The following PLCXD3 variants were observed in gnomAD, a reference collection of about 807,000 sequenced individuals.
PLCXD3 encodes the protein PI-PLC X domain-containing protein 3.
In PLCXD3, 19 loss-of-function variants were observed where a neutral mutation model predicts 25.5. The observed-to-expected ratio is 0.75, with a 90% CI of 0.52 to 1.09. The LOEUF (loss-of-function observed/expected upper bound fraction) is 1.09. Among genes scored for constraint, PLCXD3 ranks in the 50% least tolerant of loss-of-function variants. The pLI is 0.00. For missense variants in PLCXD3, 411 were observed against 388.1 expected (o/e 1.06, Z -0.50); for synonymous variants, 174 against 137.6 (o/e 1.26, Z -1.85).
chr5:41,477,435 T>G (rs1580392781), intron 1 of PLCXD3, among the ~76,000 whole-genome samples: 1 of 152,194 alleles, frequency 6.6e-6, no homozygotes, highest in African/African-American at 2.4e-5. Flanking sequence ...TCAAAAAATT[T>G]GGGCCAATTT....
intron 1 of PLCXD3, among the ~76,000 whole-genome samples, chr5:41,488,377 T>C (rs867300962): frequency 8.5e-5 from 11 of 130,164 alleles, no homozygotes; most frequent in Admixed American, 1.6e-4. Context: ...TGAATAGTGC[T>C]GCAATAAACA....
intron 2 of PLCXD3, among the ~76,000 whole-genome samples, chr5:41,351,280 C>A (rs548410997): frequency 6.6e-6 from 1 of 152,264 alleles, no homozygotes; most frequent in African/African-American, 2.4e-5. Context: ...CCATTCCCCA[C>A]CTCTTGACAT....
chr5:41,385,881 C>T (rs1371659979), intron 1 of PLCXD3, among the ~76,000 whole-genome samples: 1 of 152,048 alleles, frequency 6.6e-6, no homozygotes, highest in Admixed American at 6.6e-5. Context: ...GAACTGAATC[C>T]TGTTAACAGC....
At chr5:41,364,152 G>A (rs1221044778) in intron 2 of PLCXD3, among the ~76,000 whole-genome samples, 1 of 152,136 alleles carries the variant, frequency 6.6e-6, no homozygotes, top group Non-Finnish European at 1.5e-5. Flanking sequence ...AGGGGAAGGT[G>A]CTACTGGAAT....
chr5:41,502,227 G>A (rs1196659575), intron 1 of PLCXD3, among the ~76,000 whole-genome samples: 1 of 152,216 alleles, frequency 6.6e-6, no homozygotes, highest in South Asian at 2.1e-4. Context: ...GAAATCCAAA[G>A]TATAAGAAAT....
intron 2 of PLCXD3, among the ~76,000 whole-genome samples, chr5:41,353,462 T>C (rs1282090591): frequency 6.6e-6 from 1 of 152,136 alleles, no homozygotes; most frequent in Non-Finnish European, 1.5e-5. Context: ...ATCAGGAGTT[T>C]TATATAAGTA....
At chr5:41,389,235 C>T (rs1400861935) in intron 1 of PLCXD3, among the ~76,000 whole-genome samples, 4 of 152,030 alleles carry the variant, frequency 2.6e-5, no homozygotes, top group African/African-American at 9.7e-5. Flanking sequence ...TACTGAAAAA[C>T]TTCAGCCCTC....
At chr5:41,489,581 TTG>T (rs1345439654) in intron 1 of PLCXD3, among the ~76,000 whole-genome samples, 1 of 151,612 alleles carries the variant, frequency 6.6e-6, no homozygotes, top group Non-Finnish European at 1.5e-5. Context: ...GTTCTTCCAT[TTG>T]TTTGTATCCT....
In PLCXD3 at chr5:41,312,685, T is replaced by TTTCCTTTCCTTCC. The variant is rs1491284489; in HGVS notation, c.*931_*932insGGAAGGAAAGGAA. On this transcript the variant is annotated 3_prime_UTR_variant, in exon 3 of 3. Coordinates refer to ENST00000377801, the MANE Select transcript of PLCXD3 (RefSeq NM_001005473.3). The stretch of plus-strand genomic sequence containing the variant: ...CTTCCTCCCTCCCTTCCTTTCTTCC[T>TTTCCTTTCCTTCC]TTCCTTCCTTCCTTCCTTCCTTCCT... The TTTCCTTTCCTTCC allele has an allele frequency of 1.9e-5, 2 of 104,678 alleles. No individual in the cohort carries two copies. Among genetic ancestry groups the TTTCCTTTCCTTCC allele is most frequent in the South Asian group, 4.4e-4 (1 of 2,254 alleles). 6.5% of individuals were successfully genotyped at this position (104,678 alleles called of 1,614,324 possible).
rs551040723 is a variant in PLCXD3, at chr5:41,409,289, G to T, written c.104-26755C>A. On this transcript the variant is annotated intron_variant, in intron 1 of 2. Transcript: ENST00000377801. ...GCAGCCTTAAGCCCAGGGTGCTAAGGTCACAAAATGGATCACTCTCCCTTT... is the reference window on the plus strand; with the variant it reads ...GCAGCCTTAAGCCCAGGGTGCTAAGTTCACAAAATGGATCACTCTCCCTTT... Among the ~76,000 whole-genome samples the T allele has an allele frequency of 3.9e-5, 6 of 152,194 alleles. No individual in the cohort carries two copies. In the East Asian group the frequency reaches 9.7e-4, roughly 25 times the overall value.
At chr5:41,452,616 AG>A (rs1398115101) in intron 1 of PLCXD3, among the ~76,000 whole-genome samples, 1 of 152,096 alleles carries the variant, frequency 6.6e-6, no homozygotes, top group African/African-American at 2.4e-5. Context: ...ATGCAAAGGC[AG>A]GGCTACAATA....
chr5:41,447,554 T>C (rs759515617), intron 1 of PLCXD3, among the ~76,000 whole-genome samples: 6 of 152,174 alleles, frequency 3.9e-5, no homozygotes, highest in Non-Finnish European at 7.4e-5. Flanking sequence ...TAACAGCATA[T>C]TGGAATTCAG....
chr5:41,313,698 G>T lies in PLCXD3; in HGVS notation c.885C>A (p.Ala295=). Residue 295 remains alanine (A), a synonymous_variant, in exon 3 of 3, where the codon GCC becomes GCA. Coordinates refer to ENST00000377801, the MANE Select transcript of PLCXD3 (RefSeq NM_001005473.3). Reference sequence around the variant, plus strand: ...TAAAGTCACCAAGTTCTACAAAATCGGCAGTGACAATATTGATGCCACTCT... The same window carrying T: ...TAAAGTCACCAAGTTCTACAAAATCTGCAGTGACAATATTGATGCCACTCT... ...PGESGINIVT[A]DFVELGDFIS... The T allele has an allele frequency of 6.2e-7, 1 of 1,613,718 alleles. No homozygotes were observed. Among genetic ancestry groups the T allele is most frequent in the African/African-American group, 1.3e-5 (1 of 74,980 alleles).
chr5:41,378,467 G>T (rs547534602), intron 2 of PLCXD3, among the ~76,000 whole-genome samples: 1 of 152,144 alleles, frequency 6.6e-6, no homozygotes, highest in African/African-American at 2.4e-5. Context: ...TCTATATGGA[G>T]TCTTCATTCC....
At chr5:41,449,817 G>A (rs967389595) in intron 1 of PLCXD3, among the ~76,000 whole-genome samples, 4 of 152,018 alleles carry the variant, frequency 2.6e-5, no homozygotes, top group African/African-American at 7.2e-5. Context: ...GCATTAAAAA[G>A]CCATTGGTGG....
At chr5:41,487,673 T>C (rs559080166) in intron 1 of PLCXD3, among the ~76,000 whole-genome samples, 7 of 152,292 alleles carry the variant, frequency 4.6e-5, no homozygotes, top group African/African-American at 1.7e-4. Context: ...GGTCAGGGAA[T>C]GTCTCCTCAG....
intron 2 of PLCXD3, among the ~76,000 whole-genome samples, chr5:41,376,222 G>A (rs1235320707): frequency 6.6e-6 from 1 of 152,096 alleles, no homozygotes; most frequent in African/African-American, 2.4e-5. Context: ...AAATGATACT[G>A]TAAATGGTAT....
At chr5:41,463,430 C>T (rs1027542316) in intron 1 of PLCXD3, among the ~76,000 whole-genome samples, 4 of 151,992 alleles carry the variant, frequency 2.6e-5, no homozygotes, top group Admixed American at 2.6e-4. Flanking sequence ...GTCCCACACT[C>T]ATGACCTAAT....
rs947102536 is a variant in PLCXD3 at position 41,392,020 on chromosome 5, C to T, written c.104-9486G>A. 6.6e-5 allele frequency among the ~76,000 whole-genome samples: 10 copies of T among 152,162 alleles called. No homozygotes were observed. The South Asian group carries it at 8.3e-4, about 13-fold the overall frequency. The stretch of plus-strand genomic sequence containing the variant: ...GGACTGCATTTTGTAGTTTGAGTGC[C>T]GGCTCAGCTGCAACACAGTAAAACA... On this transcript the variant is annotated intron_variant, in intron 1 of 2. Transcript: ENST00000377801.
Sources: allele counts gnomAD v4.1 joint callset (sites outside exome capture counted in the v4.1 genomes callset), GRCh38; gene constraint gnomAD v4.1.1; transcripts MANE v1.5; gene names NCBI Gene and HGNC (gene_info 2026-07-23, HGNC 2026-07-21).